Variants in TSPAN9 observed in about 807,000 individuals in gnomAD.
TSPAN9 encodes the protein tetraspanin-9.
A neutral mutation model predicts 31.0 loss-of-function variants in TSPAN9; 16 were observed. The observed-to-expected ratio is 0.52, with a 90% CI of 0.35 to 0.78. The LOEUF is 0.78. Ranked by LOEUF, TSPAN9 falls within the 30% of genes least tolerant of loss-of-function variation. The pLI, the probability that TSPAN9 is intolerant of heterozygous loss-of-function variation, is 0.01. For synonymous variants in TSPAN9, 145 were observed against 121.6 expected (o/e 1.19, Z -1.27); for missense variants, 272 against 312.5 (o/e 0.87, Z 0.98).
chr12:3,135,367 C>T (rs922402967), intron 2 of TSPAN9, among the ~76,000 whole-genome samples: 11 of 152,144 alleles, frequency 7.2e-5, no homozygotes, highest in African/African-American at 2.4e-4. Context: ...ATTACAGGAG[C>T]GAGCCACTGT....
rs137952350 is a variant in TSPAN9, at chr12:3,282,387, G to T, written c.648+570G>T. 5.3e-5 allele frequency among the ~76,000 whole-genome samples: 8 copies of T among 152,234 alleles called. No individual in the cohort carries two copies. In the East Asian group the frequency reaches 1.6e-3, roughly 30 times the overall value. On this transcript the variant is annotated intron_variant, in intron 8 of 8. Coordinates refer to ENST00000011898, the MANE Select transcript of TSPAN9 (RefSeq NM_006675.5). ...CAAGCAGACAAGAGAGGCTTGACAGGAGTCCTTTATTTTTCTTTTTTTAAG... is the reference window on the plus strand; with the variant it reads ...CAAGCAGACAAGAGAGGCTTGACAGTAGTCCTTTATTTTTCTTTTTTTAAG...
At chr12:3,177,723 G>A (rs1252661089) in intron 2 of TSPAN9, among the ~76,000 whole-genome samples, 2 of 152,242 alleles carry the variant, frequency 1.3e-5, no homozygotes, top group African/African-American at 2.4e-5. Flanking sequence ...GTGAGCAACC[G>A]CACCCAGCCT....
chr12:3,270,258 A>G (rs1862648867), intron 3 of TSPAN9, among the ~76,000 whole-genome samples: 1 of 152,138 alleles, frequency 6.6e-6, no homozygotes, highest in Admixed American at 6.5e-5. Flanking sequence ...TGGCCTGGGG[A>G]TGGGGTATAG....
intron 2 of TSPAN9, among the ~76,000 whole-genome samples, chr12:3,118,256 GTTTTTTTTTT>G (rs72307230): frequency 1.6e-4 from 5 of 31,582 alleles, no homozygotes; most frequent in Non-Finnish European, 2.5e-4. Flanking sequence ...TGCACCCGCC[GTTTTTTTTTT>G]TTTTTTTTTT....
At chr12:3,180,035 C>G (rs2098357860) in intron 2 of TSPAN9, among the ~76,000 whole-genome samples, 1 of 152,172 alleles carries the variant, frequency 6.6e-6, no homozygotes, top group South Asian at 2.1e-4. Context: ...TGCGAATTCT[C>G]ATGGGCGGTC....
chr12:3,169,579 A>C (rs1347335862), intron 2 of TSPAN9, among the ~76,000 whole-genome samples: 2 of 152,152 alleles, frequency 1.3e-5, no homozygotes, highest in Non-Finnish European at 1.5e-5. Flanking sequence ...ATGCTGATAA[A>C]AGTAATGTGA....
chr12:3,221,686 C>T (rs1367105840), intron 3 of TSPAN9, among the ~76,000 whole-genome samples: 2 of 151,692 alleles, frequency 1.3e-5, no homozygotes, highest in Non-Finnish European at 2.9e-5. Context: ...GATAGGGTCT[C>T]ACTCTGTCAC....
chr12:3,116,327 C>T (rs1000203157), intron 2 of TSPAN9, among the ~76,000 whole-genome samples: 8 of 152,210 alleles, frequency 5.3e-5, no homozygotes, highest in African/African-American at 1.9e-4. Flanking sequence ...TGCGAATCCT[C>T]TCTGAGTCAC....
intron 3 of TSPAN9, among the ~76,000 whole-genome samples, chr12:3,260,360 C>T (rs935771516): frequency 5.9e-5 from 9 of 152,342 alleles, no homozygotes; most frequent in African/African-American, 2.2e-4. Context: ...GTGGATGTAA[C>T]ACCATTTCTG....
intron 2 of TSPAN9, among the ~76,000 whole-genome samples, chr12:3,181,303 CTGTG>C (rs1216660144): frequency 6.6e-6 from 1 of 152,152 alleles, no homozygotes; most frequent in Non-Finnish European, 1.5e-5. Context: ...AGATCATCAA[CTGTG>C]TGTGGTTGGA....
At chr12:3,089,539 C>CA (rs2098303034) in intron 2 of TSPAN9, among the ~76,000 whole-genome samples, 1 of 151,942 alleles carries the variant, frequency 6.6e-6, no homozygotes, top group Non-Finnish European at 1.5e-5. Flanking sequence ...TCGTGATCCG[C>CA]CCTCCTTGGC....
intron 3 of TSPAN9, among the ~76,000 whole-genome samples, chr12:3,245,083 C>T (rs547126818): frequency 5.9e-5 from 9 of 152,330 alleles, no homozygotes; most frequent in Admixed American, 1.3e-4. Flanking sequence ...CAGACCACCA[C>T]GTCCCCAGGT....
intron 2 of TSPAN9, among the ~76,000 whole-genome samples, chr12:3,115,293 C>T (rs113259451): frequency 1.2e-4 from 18 of 152,164 alleles, no homozygotes; most frequent in African/African-American, 3.9e-4. Context: ...TTCCAGCATA[C>T]GGACAGACCA....
intron 1 of TSPAN9, among the ~76,000 whole-genome samples, chr12:3,077,963 G>T (rs2098295937): frequency 1.3e-5 from 2 of 152,206 alleles, no homozygotes; most frequent in African/African-American, 4.8e-5. Flanking sequence ...CGAAGTTGGA[G>T]ATCTAGCCCA....
chr12:3,197,420 G>A (rs2098367592), intron 2 of TSPAN9, among the ~76,000 whole-genome samples: 1 of 152,204 alleles, frequency 6.6e-6, no homozygotes, highest in Non-Finnish European at 1.5e-5. Flanking sequence ...CAGCATCGGT[G>A]GGACTGCTAT....
At chr12:3,116,775 A>G (rs1012887127) in intron 2 of TSPAN9, among the ~76,000 whole-genome samples, 4 of 152,150 alleles carry the variant, frequency 2.6e-5, no homozygotes, top group Non-Finnish European at 2.9e-5. Context: ...TGTCGTCCGC[A>G]TGACAACCTG....
At chr12:3,251,706 C>T (rs1449962153) in intron 3 of TSPAN9, among the ~76,000 whole-genome samples, 1 of 152,188 alleles carries the variant, frequency 6.6e-6, no homozygotes, top group Non-Finnish European at 1.5e-5. Flanking sequence ...GTTCCAGCAC[C>T]TCTGGCTGCC....
intron 2 of TSPAN9, among the ~76,000 whole-genome samples, chr12:3,153,882 A>T (rs1214503471): frequency 1.3e-5 from 2 of 150,494 alleles, no homozygotes; most frequent in Non-Finnish European, 3.0e-5. Flanking sequence ...CTGTGGATGT[A>T]TCTCTGTCTG....
intron 2 of TSPAN9, among the ~76,000 whole-genome samples, chr12:3,161,779 C>A (rs1262267702): frequency 6.9e-6 from 1 of 144,436 alleles, no homozygotes; most frequent in African/African-American, 2.6e-5. Flanking sequence ...TGAAATCTAT[C>A]TATCTATCTA....
Sources: gnomAD v4.1 joint callset for allele counts (sites outside exome capture counted in the v4.1 genomes callset) on GRCh38, gnomAD v4.1.1 for gene constraint, MANE v1.5 for transcripts, NCBI Gene and HGNC (gene_info 2026-07-23, HGNC 2026-07-21) for gene names.